Variants in STAT4 observed in about 807,000 individuals in gnomAD.
STAT4 encodes the protein signal transducer and activator of transcription 4.
A neutral mutation model predicts 110.5 loss-of-function variants in STAT4; 42 were observed. The ratio of observed to expected loss-of-function variants is 0.38; its 90% CI spans 0.30 to 0.49. The LOEUF is 0.49. STAT4 is among the 20% of genes least tolerant of loss of function. The probability of loss-of-function intolerance (pLI) is 0.95; values close to 1 mark genes in which losing one functional copy is unlikely to be tolerated. For synonymous variants in STAT4, 284 were observed against 302.2 expected (o/e 0.94, Z 0.63); for missense variants, 632 against 887.9 (o/e 0.71, Z 3.66).
rs567905961 is a variant in STAT4, at chr2:191,112,118, A to AAT, written c.273+34493_273+34494dup. ...AAAACTTGTCAGATTGTACACTTTA[A>AAT]ATATATATATATTGTATGTCATTAT... On this transcript the variant is annotated intron_variant, in intron 3 of 23. Coordinates refer to ENST00000392320, the MANE Select transcript of STAT4 (RefSeq NM_003151.4). The surrounding 1 kb of genome is among the most constrained non-coding windows in gnomAD (Gnocchi z 4.3). Among the ~76,000 whole-genome samples the AAT allele has an allele frequency of 6.9e-3, 1,051 of 152,114 alleles. 12 individuals are homozygous for AAT. Among genetic ancestry groups the AAT allele is most frequent in the African/African-American group, 0.024 (997 of 41,478 alleles).
Position 191,138,458 on chromosome 2 carries a change from C to T in STAT4, c.273+8155G>A, listed in dbSNP as rs1699237975. On this transcript the variant is annotated intron_variant, in intron 3 of 23. Coordinates refer to ENST00000392320, the MANE Select transcript of STAT4 (RefSeq NM_003151.4). This position sits in a 1 kb window ranked among gnomAD's most constrained non-coding sequence, Gnocchi z 4.3. ...ATACCGCAGAAATACAAAAGATTAG[C>T]TAAGGCTATTATGAACACTTTTATG... Among the ~76,000 whole-genome samples, 1 of 152,022 alleles carries T rather than the reference C, an allele frequency of 6.6e-6. No individual in the cohort carries two copies. Among genetic ancestry groups the T allele is most frequent in the African/African-American group, 2.4e-5 (1 of 41,388 alleles).
At chr2:191,072,121 C>A (rs1697177300) in intron 5 of STAT4, among the ~76,000 whole-genome samples, 1 of 152,104 alleles carries the variant, frequency 6.6e-6, no homozygotes, top group African/African-American at 2.4e-5. Flanking sequence ...AAGATCTGCT[C>A]GGGGGTCCAA....
chr2:191,136,155 A>T (rs1699177667), intron 3 of STAT4, among the ~76,000 whole-genome samples: 1 of 152,222 alleles, frequency 6.6e-6, no homozygotes, highest in South Asian at 2.1e-4. Context: ...TGACCATCTC[A>T]ATAGATATAG....
intron 14 of STAT4, among the ~76,000 whole-genome samples, chr2:191,052,760 G>A (rs1005620722): frequency 6.6e-6 from 1 of 152,204 alleles, no homozygotes; most frequent in Non-Finnish European, 1.5e-5. Flanking sequence ...AGAATTCCAA[G>A]GAGATGTGTG....
rs186096637 is a variant in STAT4 at position 191,147,675 on chromosome 2, C to T, written c.128+401G>A. On this transcript the variant is annotated intron_variant, in intron 2 of 23. Transcript: ENST00000392320. The surrounding 1 kb of genome is among the most constrained non-coding windows in gnomAD (Gnocchi z 4.1). ...AAATTTTATGTTATGTGTATTTTAC[C>T]ACAATAAAAAAGATGGCTGAAAAAA... Among the ~76,000 whole-genome samples the T allele has an allele frequency of 1.9e-4, 29 of 151,464 alleles. No individual in the cohort carries two copies. Among genetic ancestry groups the T allele is most frequent in the Non-Finnish European group, 3.8e-4 (26 of 67,830 alleles).
intron 14 of STAT4, among the ~76,000 whole-genome samples, chr2:191,044,247 C>T (rs1288220477): frequency 6.6e-6 from 1 of 152,006 alleles, no homozygotes; most frequent in African/African-American, 2.4e-5. Flanking sequence ...AAATGAAGGA[C>T]CACACCAAAA....
chr2:191,087,526 C>T (rs1241784757), intron 3 of STAT4, among the ~76,000 whole-genome samples: 1 of 152,120 alleles, frequency 6.6e-6, no homozygotes, highest in African/African-American at 2.4e-5. Context: ...ACTACCCCAT[C>T]CAGGACAGAG....
At chr2:191,045,261 G>A (rs146809672) in intron 14 of STAT4, among the ~76,000 whole-genome samples, 72 of 152,264 alleles carry the variant, frequency 4.7e-4, no homozygotes, top group Admixed American at 1.1e-3. Context: ...AAATTTTATA[G>A]TAGGTAAAAA....
chr2:191,045,614 T>A (rs1696327414), intron 14 of STAT4, among the ~76,000 whole-genome samples: 1 of 152,226 alleles, frequency 6.6e-6, no homozygotes, highest in South Asian at 2.1e-4. Context: ...GTCAGAATCC[T>A]GTTTGCATTT....
Position 191,148,132 on chromosome 2 carries a change from G to T in STAT4, c.72C>A (p.Asp24Glu). ...GATGCCGAATTTCCATGGGAAAGTT[G>T]TCATCATAGAATTGATCCACCTGCT... is the stretch of plus-strand genomic sequence containing the variant. ...FLEQVDQFYD[D>E]NFPMEIRHLL... The change falls in exon 2 of 24, where the codon GAC becomes GAA. Residue 24 changes from aspartate (D) to glutamate (E), a missense_variant. Asp to Glu is a conservative substitution (Grantham distance 45, BLOSUM62 2). Transcript: ENST00000392320. 5 of 1,613,936 alleles carry T rather than the reference G, an allele frequency of 3.1e-6. No individual in the cohort carries two copies. Among genetic ancestry groups the T allele is most frequent in the Non-Finnish European group, 4.2e-6 (5 of 1,179,874 alleles).
intron 6 of STAT4, chr2:191,068,560 A>G (rs1225860839): frequency 6.6e-6 from 1 of 152,144 alleles, no homozygotes; most frequent in Non-Finnish European, 1.5e-5. Context: ...TTCAAGATAC[A>G]TTTTAGGCCA....
chr2:191,108,792 T>C (rs1698348702), intron 3 of STAT4, among the ~76,000 whole-genome samples: 1 of 152,234 alleles, frequency 6.6e-6, no homozygotes, highest in Admixed American at 6.5e-5. Context: ...AAATAAGTGC[T>C]ATTCCCTAAT....
rs575997780 is a variant in STAT4, at chr2:191,112,879, T to G, written c.273+33734A>C. Among the ~76,000 whole-genome samples, 6 of 152,362 alleles carry G rather than the reference T, an allele frequency of 3.9e-5. No individual in the cohort carries two copies. In the East Asian group the frequency reaches 1.2e-3, roughly 29 times the overall value. On this transcript the variant is annotated intron_variant, in intron 3 of 23. Transcript: ENST00000392320. The surrounding 1 kb of genome is among the most constrained non-coding windows in gnomAD (Gnocchi z 4.3). ...TTATTCTGTGACTCAGAATTAAACA[T>G]ACAACGTTCAGTCCTATAATAGAGC...
chr2:191,101,979 C>T (rs1559067832), intron 3 of STAT4, among the ~76,000 whole-genome samples: 2 of 147,338 alleles, frequency 1.4e-5, no homozygotes. Flanking sequence ...TTCTTTTTGT[C>T]TTCATTAGTT....
intron 7 of STAT4, 30 bp from the exon 8 acceptor site, chr2:191,064,988 T>C (rs199777831): frequency 2.7e-6 from 4 of 1,498,244 alleles, no homozygotes; most frequent in Non-Finnish European, 3.6e-6. Context: ...CTGAAGAGAG[T>C]TTCATAAGAA....
At position 191,066,346 on chromosome 2, in the gene STAT4, G is replaced by T; in HGVS notation, c.630+84C>A. 8.2e-7 allele frequency: 1 copy of T among 1,224,750 alleles called. No individual in the cohort carries two copies. Among genetic ancestry groups the T allele is most frequent in the South Asian group, 1.3e-5 (1 of 77,910 alleles). 75.9% of individuals were successfully genotyped at this position (1,224,750 alleles called of 1,614,324 possible). ...TCAGTAAATGGAACTGATAAAATCTGACAGCTTGATTATTTTCAGTTAGTC... is the reference window on the plus strand; with the variant it reads ...TCAGTAAATGGAACTGATAAAATCTTACAGCTTGATTATTTTCAGTTAGTC... On this transcript the variant is annotated intron_variant, in intron 7 of 23. Coordinates refer to ENST00000392320, the MANE Select transcript of STAT4 (RefSeq NM_003151.4). The surrounding 1 kb of genome is among the most constrained non-coding windows in gnomAD (Gnocchi z 4.3).
intron 3 of STAT4, among the ~76,000 whole-genome samples, chr2:191,136,100 T>C (rs1301970367): frequency 1.3e-5 from 2 of 150,110 alleles, no homozygotes; most frequent in African/African-American, 4.9e-5. Context: ...TGCAAATCAG[T>C]AAACATGATA....
chr2:191,115,443 T>G (rs1410421493), intron 3 of STAT4, among the ~76,000 whole-genome samples: 2 of 152,172 alleles, frequency 1.3e-5, no homozygotes, highest in Admixed American at 1.3e-4. Flanking sequence ...CATAAGAGGG[T>G]TGTGGGTTGG....
In STAT4 at chr2:191,042,069, C is replaced by T. The variant is rs1455400149; in HGVS notation, c.1252-921G>A. Reference sequence around the variant, plus strand: ...CTGGAAAGGTATCTGGGAAGTTTGCCAGACCAAGGGAGGTAACATACAGCT... The same window carrying T: ...CTGGAAAGGTATCTGGGAAGTTTGCTAGACCAAGGGAGGTAACATACAGCT... On this transcript the variant is annotated intron_variant, in intron 14 of 23. Coordinates refer to ENST00000392320, the MANE Select transcript of STAT4 (RefSeq NM_003151.4). This position sits in a 1 kb window ranked among gnomAD's most constrained non-coding sequence, Gnocchi z 4.2. 6.6e-6 allele frequency among the ~76,000 whole-genome samples: 1 copy of T among 152,176 alleles called. No individual in the cohort carries two copies. The highest frequency in any genetic ancestry group is 1.5e-5 in the Non-Finnish European group (1 of 68,024).
Sources: gnomAD v4.1 joint callset for allele counts (sites outside exome capture counted in the v4.1 genomes callset) on GRCh38, gnomAD v4.1.1 for gene constraint, Gnocchi (gnomAD v3.1) non-coding constraint, MANE v1.5 for transcripts, NCBI Gene and HGNC (gene_info 2026-07-23, HGNC 2026-07-21) for gene names.